The following RPS6KA5 variants were observed in gnomAD, a reference collection of about 807,000 sequenced individuals.
The protein encoded by RPS6KA5 is ribosomal protein S6 kinase alpha-5.
Under a neutral mutation model 85.5 loss-of-function variants are expected in RPS6KA5, and 27 were observed. The observed-to-expected ratio is 0.32, with a 90% CI of 0.23 to 0.44. The LOEUF is 0.44. Ranked by LOEUF, RPS6KA5 falls within the 20% of genes least tolerant of loss-of-function variation. The pLI, the probability that RPS6KA5 is intolerant of heterozygous loss-of-function variation, is 1.00. For missense variants in RPS6KA5, 811 were observed against 980.9 expected (o/e 0.83, Z 2.31); for synonymous variants, 334 against 348.2 (o/e 0.96, Z 0.46).
chr14:91,028,248 TAGAC>T (rs1197135948), intron 1 of RPS6KA5, among the ~76,000 whole-genome samples: 5 of 152,122 alleles, frequency 3.3e-5, no homozygotes, highest in African/African-American at 1.2e-4. Flanking sequence ...TTTTTTTTTT[TAGAC>T]AGAGTCTTGC....
chr14:90,915,868 G>A (rs983571205), intron 7 of RPS6KA5, among the ~76,000 whole-genome samples: 3 of 151,356 alleles, frequency 2.0e-5, no homozygotes, highest in East Asian at 1.9e-4. Flanking sequence ...TGTAAGACAC[G>A]TAAGAAAAGC....
intron 7 of RPS6KA5, among the ~76,000 whole-genome samples, chr14:90,909,083 A>G (rs927010205): frequency 6.6e-5 from 10 of 152,224 alleles, no homozygotes; most frequent in African/African-American, 1.9e-4. Context: ...ATTCCAGTCT[A>G]TTGTGACATG....
intron 14 of RPS6KA5, among the ~76,000 whole-genome samples, chr14:90,877,286 T>C (rs1337192424): frequency 6.6e-6 from 1 of 152,192 alleles, no homozygotes; most frequent in Non-Finnish European, 1.5e-5. Flanking sequence ...AGAAGATTAA[T>C]TGCTCTAAGA....
chr14:91,052,435 C>A, intron 1 of RPS6KA5: 1 of 298,566 alleles, frequency 3.3e-6, no homozygotes, highest in South Asian at 2.6e-5. Context: ...CACCACACTC[C>A]AGCCTGGGCA....
At chr14:91,057,005 G>A (rs959664032) in intron 1 of RPS6KA5, among the ~76,000 whole-genome samples, 3 of 147,036 alleles carry the variant, frequency 2.0e-5, no homozygotes, top group African/African-American at 5.1e-5. Flanking sequence ...TCAGCCTCCC[G>A]AGTAGCTGGG....
intron 14 of RPS6KA5, among the ~76,000 whole-genome samples, chr14:90,876,619 T>TG (rs2033495157): frequency 6.6e-6 from 1 of 152,198 alleles, no homozygotes; most frequent in African/African-American, 2.4e-5. Context: ...GATGGTGGGT[T>TG]GGTCATCAAT....
chr14:91,057,520 T>C (rs1160437319), intron 1 of RPS6KA5, among the ~76,000 whole-genome samples: 4 of 152,102 alleles, frequency 2.6e-5, no homozygotes, highest in Admixed American at 6.6e-5. Flanking sequence ...AATGGACTAT[T>C]ATAGTACCGT....
rs894975712 is a variant in RPS6KA5 at position 90,905,534 on chromosome 14, G to GT, written c.957+614dup. ...TTTCTCAGTTGTTTAATATTTTGGT[G>GT]TTTTTTTTGTACTAAACTGAGCAGA... On this transcript the variant is annotated intron_variant, in intron 8 of 16. Transcript: ENST00000614987. Among the ~76,000 whole-genome samples, 34 of 151,882 alleles carry GT rather than the reference G, an allele frequency of 2.2e-4. 1 individual carries two copies. Among genetic ancestry groups the GT allele is most frequent in the South Asian group, 1.3e-3 (6 of 4,798 alleles).
Position 91,000,323 on chromosome 14 carries a change from C to T in RPS6KA5, c.175+765G>A, listed in dbSNP as rs1389257200. On this transcript the variant is annotated intron_variant, in intron 2 of 16. Coordinates refer to ENST00000614987, the MANE Select transcript of RPS6KA5 (RefSeq NM_004755.4). ...TTATAGAACATAGAGATCCATGTTC[C>T]ATTTAACCAAAGCCCTATTGTTGGG... Among the ~76,000 whole-genome samples the T allele has an allele frequency of 2.0e-5, 3 of 152,006 alleles. No individual in the cohort carries two copies. The East Asian group carries it at 5.8e-4, about 29-fold the overall frequency.
At chr14:91,045,399 GA>G (rs2042828678) in intron 1 of RPS6KA5, among the ~76,000 whole-genome samples, 1 of 151,958 alleles carries the variant, frequency 6.6e-6, no homozygotes. Context: ...GAGTAACTGG[GA>G]TTACAGGCAC....
intron 1 of RPS6KA5, among the ~76,000 whole-genome samples, chr14:91,052,666 T>C (rs1472379748): frequency 2.4e-5 from 3 of 123,608 alleles, no homozygotes; most frequent in African/African-American, 6.2e-5. Context: ...CTACTAAAAG[T>C]ACAAAAAAAA....
At chr14:91,052,733 T>A (rs2043141912) in intron 1 of RPS6KA5, among the ~76,000 whole-genome samples, 1 of 147,464 alleles carries the variant, frequency 6.8e-6, no homozygotes, top group South Asian at 2.1e-4. Context: ...CTTGGGAGGC[T>A]GAGGCAGGAG....
Position 90,900,239 on chromosome 14 carries a change from G to T in RPS6KA5, c.1248C>A (p.Asp416Glu). 1 of 1,559,450 alleles carries T rather than the reference G, an allele frequency of 6.4e-7. No homozygotes were observed. Among genetic ancestry groups the T allele is most frequent in the South Asian group, 1.3e-5 (1 of 78,356 alleles). The change falls in exon 11 of 17, where the codon GAC becomes GAA. Residue 416 changes from aspartate to glutamate, a missense_variant and splice_region_variant. Asp to Glu is a conservative substitution (Grantham distance 45, BLOSUM62 2). This residue lies in a region of RPS6KA5 where 650 missense variants were observed against 793.4 expected (regional missense o/e 0.82). Transcript: ENST00000614987. ...TNVARSAMMK[D>E]SPFYQHYDLD... ...GGTCATAGTGTTGATAGAATGGAGA[G>T]TCCTGTCAAGAAATCAACATCATTT...
intron 2 of RPS6KA5, among the ~76,000 whole-genome samples, chr14:90,987,956 G>C (rs1318289481): frequency 6.6e-6 from 1 of 152,202 alleles, no homozygotes; most frequent in Non-Finnish European, 1.5e-5. Context: ...TATGGTGTGT[G>C]TGTGTGTATA....
At chr14:90,882,957 C>G (rs2033952084) in intron 14 of RPS6KA5, among the ~76,000 whole-genome samples, 2 of 152,202 alleles carry the variant, frequency 1.3e-5, no homozygotes, top group South Asian at 4.1e-4. Context: ...GCCACCACGC[C>G]TGGCTAATTT....
chr14:91,010,368 C>A (rs2041208456), intron 1 of RPS6KA5, among the ~76,000 whole-genome samples: 1 of 152,116 alleles, frequency 6.6e-6, no homozygotes, highest in Admixed American at 6.6e-5. Flanking sequence ...AGGCCGTAAG[C>A]TGGGGAGCTA....
At chr14:90,884,462 A>C (rs2034060110) in intron 14 of RPS6KA5, among the ~76,000 whole-genome samples, 1 of 152,204 alleles carries the variant, frequency 6.6e-6, no homozygotes, top group Admixed American at 6.5e-5. Flanking sequence ...GAAATCCGAA[A>C]TCCAAAATAC....
chr14:91,030,083 C>T (rs1015277682), intron 1 of RPS6KA5, among the ~76,000 whole-genome samples: 1 of 152,008 alleles, frequency 6.6e-6, no homozygotes, highest in Non-Finnish European at 1.5e-5. Flanking sequence ...GCTAAATCAC[C>T]CCCAGAGAAC....
chr14:90,947,069 T>G lies in RPS6KA5; in HGVS notation c.510+366A>C, dbSNP rs79207325. On this transcript the variant is annotated intron_variant, in intron 4 of 16. Coordinates refer to ENST00000614987, the MANE Select transcript of RPS6KA5 (RefSeq NM_004755.4). ...ACACCCTGAAGATGTACAGGCAGAG[T>G]CTGCAATGCAGTAAATTACAATGAA... 4.3e-3 allele frequency among the ~76,000 whole-genome samples: 657 copies of G among 152,270 alleles called. 9 individuals carry two copies. Among genetic ancestry groups the G allele is most frequent in the African/African-American group, 0.015 (612 of 41,532 alleles).
Sources: gnomAD v4.1 joint callset for allele counts (sites outside exome capture counted in the v4.1 genomes callset) on GRCh38, gnomAD v4.1.1 for gene constraint, gnomAD v4.1.1 regional missense constraint, MANE v1.5 for transcripts, NCBI Gene and HGNC (gene_info 2026-07-23, HGNC 2026-07-21) for gene names.